Variants in CRADD observed in about 807,000 individuals in gnomAD.
CRADD encodes CARD and death domain containing adaptor protein.
A neutral mutation model predicts 15.5 loss-of-function variants in CRADD; 9 were observed. The ratio of observed to expected loss-of-function variants is 0.58; its 90% confidence interval spans 0.35 to 1.01. CRADD has a LOEUF of 1.01. CRADD is among the 50% of genes least tolerant of loss of function. The pLI is 0.02. For missense variants in CRADD, 227 were observed against 250.3 expected (o/e 0.91, Z 0.63); for synonymous variants, 118 against 107.6 (o/e 1.10, Z -0.60).
intron 2 of CRADD, among the ~76,000 whole-genome samples, chr12:93,723,836 G>A (rs1956306047): frequency 6.6e-6 from 1 of 152,162 alleles, no homozygotes; most frequent in Admixed American, 6.5e-5. Flanking sequence ...GTGGGACAGG[G>A]TCGCTAGACT....
chr12:93,830,889 T>C lies in CRADD; in HGVS notation c.299-19081T>C, dbSNP rs1026372132. 3.9e-5 allele frequency among the ~76,000 whole-genome samples: 6 copies of C among 152,232 alleles called. No homozygotes were observed. In the South Asian group the frequency reaches 1.0e-3, roughly 26 times the overall value. On this transcript the variant is annotated intron_variant, in intron 2 of 2. Coordinates refer to ENST00000332896, the MANE Select transcript of CRADD (RefSeq NM_003805.5). ...AAACAATTTACAGAAATAGCTAAAT[T>C]TGCCCATTTCTGTATCGTTAGCACC...
chr12:93,696,955 T>C (rs922604485), intron 2 of CRADD, among the ~76,000 whole-genome samples: 1 of 152,216 alleles, frequency 6.6e-6, no homozygotes, highest in African/African-American at 2.4e-5. Context: ...CCATGGATTT[T>C]GGTATCTTGG....
chr12:93,850,382 G>T lies in CRADD; in HGVS notation c.*111G>T. ...TGTAGGTTTGTTTTTTATTTTTGAT[G>T]ATCTTCAGATGGAAGGAGAAAACAG... On this transcript the variant is annotated 3_prime_UTR_variant, in exon 3 of 3. Transcript: ENST00000332896. The surrounding 1 kb of genome is among the most constrained non-coding windows in gnomAD (Gnocchi z 4.0). 7.0e-7 allele frequency: 1 copy of T among 1,420,340 alleles called. No individual in the cohort carries two copies. Among genetic ancestry groups the T allele is most frequent in the South Asian group, 1.7e-5 (1 of 59,092 alleles). The allele number at this position is 1,420,340 out of a possible 1,614,324, so 88.0% of individuals were successfully genotyped here.
intron 2 of CRADD, among the ~76,000 whole-genome samples, chr12:93,793,169 C>T (rs559840386): frequency 6.6e-6 from 1 of 152,238 alleles, no homozygotes; most frequent in African/African-American, 2.4e-5. Flanking sequence ...GCATCCTTCC[C>T]CCAGTTTACA....
At chr12:93,726,173 G>A (rs1020416325) in intron 2 of CRADD, among the ~76,000 whole-genome samples, 7 of 132,902 alleles carry the variant, frequency 5.3e-5, no homozygotes, top group South Asian at 2.5e-4. Flanking sequence ...GTGCAATCTC[G>A]ACTTTCTGCA....
intron 2 of CRADD, among the ~76,000 whole-genome samples, chr12:93,755,134 T>C (rs1956874346): frequency 6.6e-6 from 1 of 152,124 alleles, no homozygotes; most frequent in Non-Finnish European, 1.5e-5. Context: ...TTGAGACTTA[T>C]TCACTACCAT....
chr12:93,860,127 G>C (rs932574043), intron 2 of CRADD, among the ~76,000 whole-genome samples: 6 of 98,334 alleles, frequency 6.1e-5, no homozygotes, highest in African/African-American at 2.6e-4. Context: ...AGAGGCCAAC[G>C]CAAATTTGAA....
intron 2 of CRADD, among the ~76,000 whole-genome samples, chr12:93,766,358 G>A (rs1957027083): frequency 6.6e-6 from 1 of 152,190 alleles, no homozygotes; most frequent in Non-Finnish European, 1.5e-5. Flanking sequence ...AGCCAAAAAT[G>A]TGCAGTCCTT....
chr12:93,825,730 C>T (rs747177942), intron 2 of CRADD, among the ~76,000 whole-genome samples: 1 of 152,138 alleles, frequency 6.6e-6, no homozygotes, highest in Non-Finnish European at 1.5e-5. Context: ...TTTTGCTTAA[C>T]CTCTTTCCGG....
intron 2 of CRADD, among the ~76,000 whole-genome samples, chr12:93,876,756 T>G (rs976245438): frequency 2.0e-5 from 3 of 152,200 alleles, no homozygotes; most frequent in Non-Finnish European, 4.4e-5. Context: ...TTGAGTATCC[T>G]CAACACAGCT....
chr12:93,718,667 A>G (rs1956205158), intron 2 of CRADD, among the ~76,000 whole-genome samples: 1 of 151,864 alleles, frequency 6.6e-6, no homozygotes, highest in Non-Finnish European at 1.5e-5. Flanking sequence ...GTCTTATTGC[A>G]CCAGTTATGA....
At chr12:93,837,766 A>C (rs546057631) in intron 2 of CRADD, 2 of 152,366 alleles carry the variant, frequency 1.3e-5, no homozygotes, top group South Asian at 4.1e-4. Flanking sequence ...TTTTATTGAA[A>C]TAAAGCCTTA....
At chr12:93,834,930 A>T (rs559342506) in intron 2 of CRADD, among the ~76,000 whole-genome samples, 1 of 152,314 alleles carries the variant, frequency 6.6e-6, no homozygotes, top group African/African-American at 2.4e-5. Flanking sequence ...TATCATTTGC[A>T]TTGTTTAGAA....
At chr12:93,848,871 A>C (rs1958170830) in intron 2 of CRADD, 1 of 152,182 alleles carries the variant, frequency 6.6e-6, no homozygotes, top group Non-Finnish European at 1.5e-5. Context: ...GGCAAATAAG[A>C]ATCTAGTTCA....
chr12:93,854,452 C>T (rs1958254540), downstream of CRADD, among the ~76,000 whole-genome samples: 1 of 152,218 alleles, frequency 6.6e-6, no homozygotes, highest in African/African-American at 2.4e-5. Context: ...ATCCCTTTTG[C>T]TGACATTTCT....
At chr12:93,722,433 C>A (rs1465652136) in intron 2 of CRADD, among the ~76,000 whole-genome samples, 1 of 151,724 alleles carries the variant, frequency 6.6e-6, no homozygotes, top group Non-Finnish European at 1.5e-5. Flanking sequence ...TATATTTTTT[C>A]TGTTTCTTTC....
At chr12:93,855,259 A>G (rs1287298116), downstream of CRADD, among the ~76,000 whole-genome samples, 2 of 152,100 alleles carry the variant, frequency 1.3e-5, no homozygotes, top group Non-Finnish European at 2.9e-5. Flanking sequence ...ACACACACAC[A>G]CAGGCCTGAG....
chr12:93,708,076 A>G (rs887944275), intron 2 of CRADD: 1 of 152,224 alleles, frequency 6.6e-6, no homozygotes, highest in Non-Finnish European at 1.5e-5. Flanking sequence ...GCTAGAAAAG[A>G]TTCTAAGAGA....
At chr12:93,830,863 C>A (rs993197862) in intron 2 of CRADD, among the ~76,000 whole-genome samples, 3 of 152,176 alleles carry the variant, frequency 2.0e-5, no homozygotes, top group Non-Finnish European at 4.4e-5. Flanking sequence ...AGACAATCTC[C>A]AAACAATTTA....
Sources: gnomAD v4.1 joint callset for allele counts (sites outside exome capture counted in the v4.1 genomes callset) on GRCh38, gnomAD v4.1.1 for gene constraint, Gnocchi (gnomAD v3.1) non-coding constraint, MANE v1.5 for transcripts, NCBI Gene and HGNC (gene_info 2026-07-23, HGNC 2026-07-21) for gene names.